The following ASTN2 variants were observed in gnomAD, a reference collection of about 807,000 sequenced individuals.
ASTN2 encodes astrotactin 2, also known as astrotactin-2.
In ASTN2, 54 loss-of-function variants were observed where a neutral mutation model predicts 139.8. The observed-to-expected ratio is 0.39, with a 90% CI of 0.31 to 0.48. The LOEUF is 0.48. Among genes scored for constraint, ASTN2 ranks in the 20% least tolerant of loss-of-function variants. ASTN2 has a pLI of 0.95. For missense variants in ASTN2, 1,565 were observed against 1,725.1 expected (o/e 0.91, Z 1.64); for synonymous variants, 756 against 719.5 (o/e 1.05, Z -0.81).
rs145645464 is a variant in ASTN2, at chr9:116,753,188, T to A, written c.2397-19665A>T. Among the ~76,000 whole-genome samples the A allele has an allele frequency of 3.0e-3, 459 of 152,302 alleles. 3 individuals are homozygous for A. The highest frequency in any genetic ancestry group is 0.01 in the African/African-American group (420 of 41,564). ...TTCCACAATTTTAAAAAATGAGCTA[T>A]CTAGCCACAAGAAGACATGGAGGAA... is the stretch of plus-strand genomic sequence containing the variant. On this transcript the variant is annotated intron_variant, in intron 13 of 22. Coordinates refer to ENST00000313400, the MANE Select transcript of ASTN2 (RefSeq NM_001365068.1).
intron 5 of ASTN2, among the ~76,000 whole-genome samples, chr9:117,066,782 T>C (rs1232261827): frequency 1.3e-5 from 2 of 151,822 alleles, no homozygotes; most frequent in African/African-American, 4.8e-5. Context: ...TTTCATGTGT[T>C]TTTTGGCTGC....
intron 22 of ASTN2, among the ~76,000 whole-genome samples, chr9:116,428,219 A>C (rs978622509): frequency 3.3e-5 from 5 of 152,224 alleles, no homozygotes; most frequent in Admixed American, 3.3e-4. Context: ...AATGAATAGG[A>C]GTTAGATAAA....
At chr9:116,681,416 G>T (rs1273851116) in intron 16 of ASTN2, among the ~76,000 whole-genome samples, 2 of 152,168 alleles carry the variant, frequency 1.3e-5, no homozygotes, top group Non-Finnish European at 2.9e-5. Flanking sequence ...TCATTGGTAG[G>T]AAGAATTAAT....
intron 10 of ASTN2, among the ~76,000 whole-genome samples, chr9:116,881,707 C>T (rs145259693): frequency 1.3e-5 from 2 of 152,236 alleles, no homozygotes; most frequent in Non-Finnish European, 2.9e-5. Context: ...CCAAAAGATC[C>T]CAGCTTATGT....
chr9:117,390,118 C>G (rs757792906), intron 1 of ASTN2, among the ~76,000 whole-genome samples: 3 of 152,092 alleles, frequency 2.0e-5, no homozygotes, highest in Non-Finnish European at 4.4e-5. Flanking sequence ...TGGGAACAAC[C>G]CTCAGTTATT....
chr9:116,588,496 C>G (rs1854249927), intron 19 of ASTN2, among the ~76,000 whole-genome samples: 1 of 152,114 alleles, frequency 6.6e-6, no homozygotes, highest in African/African-American at 2.4e-5. Context: ...AACCTGAAGT[C>G]TTAATGGGTC....
intron 2 of ASTN2, among the ~76,000 whole-genome samples, chr9:117,290,140 C>T (rs1314481296): frequency 1.3e-5 from 2 of 152,158 alleles, no homozygotes; most frequent in African/African-American, 4.8e-5. Flanking sequence ...CACTTCACCC[C>T]TCTGGGCCAT....
In ASTN2 at chr9:116,853,859, A is replaced by C. The variant is rs1342966482; in HGVS notation, c.2040+9724T>G. On this transcript the variant is annotated intron_variant, in intron 11 of 22. Transcript: ENST00000313400. ...CTCTTCTAAAGAAACAGCTCAAAACACAGAAGGTGGCTTCTGCCCAAAGGT... is the reference window on the plus strand; with the variant it reads ...CTCTTCTAAAGAAACAGCTCAAAACCCAGAAGGTGGCTTCTGCCCAAAGGT... Among the ~76,000 whole-genome samples, 5 of 152,172 alleles carry C rather than the reference A, an allele frequency of 3.3e-5. No homozygotes were observed. The East Asian group carries it at 9.6e-4, about 29-fold the overall frequency.
intron 19 of ASTN2, among the ~76,000 whole-genome samples, chr9:116,593,107 C>T (rs1302223971): frequency 1.3e-5 from 2 of 152,102 alleles, no homozygotes; most frequent in African/African-American, 2.4e-5. Context: ...AGTGAAGGAA[C>T]AAAAGAAAAG....
chr9:116,712,641 G>T (rs1828197066), intron 16 of ASTN2, among the ~76,000 whole-genome samples: 1 of 152,144 alleles, frequency 6.6e-6, no homozygotes, highest in Non-Finnish European at 1.5e-5. Context: ...AGTGGGGTAT[G>T]GTTGAAAGGT....
intron 7 of ASTN2, among the ~76,000 whole-genome samples, chr9:116,987,017 G>A (rs1836702303): frequency 6.6e-6 from 1 of 152,186 alleles, no homozygotes; most frequent in Non-Finnish European, 1.5e-5. Flanking sequence ...GCAGTCCCTG[G>A]AAACTGCCAC....
At chr9:117,376,029 CT>C (rs1178614512) in intron 1 of ASTN2, among the ~76,000 whole-genome samples, 2 of 152,256 alleles carry the variant, frequency 1.3e-5, no homozygotes, top group East Asian at 3.9e-4. Context: ...TAGGGCCCAC[CT>C]AGATAATCCA....
intron 5 of ASTN2, among the ~76,000 whole-genome samples, chr9:117,083,552 G>A (rs968795141): frequency 6.6e-6 from 1 of 152,140 alleles, no homozygotes; most frequent in Non-Finnish European, 1.5e-5. Context: ...CTGGAAAAGA[G>A]TTTTTCAGGG....
intron 13 of ASTN2, among the ~76,000 whole-genome samples, 188 bp from the exon 14 acceptor site, chr9:116,733,711 G>A (rs751869409): frequency 6.6e-6 from 1 of 152,186 alleles, no homozygotes; most frequent in Non-Finnish European, 1.5e-5. Flanking sequence ...GAATCAGGCA[G>A]GCTGGGGTTC....
At chr9:117,309,847 T>C (rs1379216641) in intron 1 of ASTN2, among the ~76,000 whole-genome samples, 4 of 152,146 alleles carry the variant, frequency 2.6e-5, no homozygotes, top group Non-Finnish European at 4.4e-5. Flanking sequence ...TGGAATCTTG[T>C]GAGGTCACAT....
rs987805059 is a variant in ASTN2 at position 116,980,906 on chromosome 9, C to G, written c.1592-4121G>C. 4.6e-5 allele frequency among the ~76,000 whole-genome samples: 7 copies of G among 152,256 alleles called. No homozygotes were observed. The East Asian group carries it at 1.2e-3, about 25-fold the overall frequency. ...CAACTCTGCTTCTGCACACCCAGAGCAGCAAGGCCATCAAATGACAGCTCT... is the reference window on the plus strand; with the variant it reads ...CAACTCTGCTTCTGCACACCCAGAGGAGCAAGGCCATCAAATGACAGCTCT... On this transcript the variant is annotated intron_variant, in intron 7 of 22. Transcript: ENST00000313400.
intron 16 of ASTN2, among the ~76,000 whole-genome samples, chr9:116,701,578 G>A (rs1019556393): frequency 5.3e-5 from 8 of 152,180 alleles, no homozygotes; most frequent in African/African-American, 1.7e-4. Flanking sequence ...TGGGCAGGCT[G>A]AAGGTAAATG....
At chr9:117,253,739 G>T (rs75632687) in intron 2 of ASTN2, among the ~76,000 whole-genome samples, 1 of 152,290 alleles carries the variant, frequency 6.6e-6, no homozygotes, top group South Asian at 2.1e-4. Context: ...TGGTGTCAAA[G>T]CATCCATGAA....
At chr9:117,227,945 A>G (rs1432934101) in intron 2 of ASTN2, among the ~76,000 whole-genome samples, 2 of 152,318 alleles carry the variant, frequency 1.3e-5, no homozygotes, top group African/African-American at 2.4e-5. Flanking sequence ...CTATTACTAT[A>G]TCTAGATGGA....
Sources: gnomAD v4.1 joint callset for allele counts (sites outside exome capture counted in the v4.1 genomes callset) on GRCh38, gnomAD v4.1.1 for gene constraint, MANE v1.5 for transcripts, NCBI Gene and HGNC (gene_info 2026-07-23, HGNC 2026-07-21) for gene names.